The following CUL7 variants were observed in gnomAD, a reference collection of about 807,000 sequenced individuals.
CUL7 encodes cullin 7, also known as cullin-7.
A neutral mutation model predicts 177.7 loss-of-function variants in CUL7; 96 were observed. The observed-to-expected ratio is 0.54, with a 90% CI of 0.46 to 0.64. The LOEUF is 0.64. Ranked by LOEUF, CUL7 falls within the 30% of genes least tolerant of loss-of-function variation. The pLI is 0.00. For synonymous variants in CUL7, 824 were observed against 890.2 expected, an observed-to-expected ratio of 0.93 and a Z score of 1.32; for missense variants, 1,893 against 2,187.9, an observed-to-expected ratio of 0.87 and a Z score of 2.69.
At position 43,043,520 on chromosome 6, in the gene CUL7, G is replaced by A. The variant is rs150015706; in HGVS notation, c.3283C>T (p.Arg1095Cys). 6.2e-5 allele frequency: 100 copies of A among 1,613,966 alleles called. No individual in the cohort carries two copies. Among genetic ancestry groups the A allele is most frequent in the African/African-American group, 4.9e-4 (37 of 74,912 alleles). ...RGPAFFSRVRRLTHLLVHVEP... is the reference protein window; with the variant it reads ...RGPAFFSRVRCLTHLLVHVEP... ...ACATGCACCAGCAGGTGAGTGAGAC[G>A]GCGCACCCGCGAGAAGAAAGCTGGG... Residue 1095 changes from arginine (R) to cysteine (C), a missense_variant, in exon 17 of 26, where the codon CGT becomes TGT. Physicochemically the swap from Arg to Cys is radical, Grantham distance 180 (BLOSUM62 -3). Transcript: ENST00000265348. This position sits in a 1 kb window ranked among gnomAD's most constrained non-coding sequence, Gnocchi z 4.2.
chr6:43,038,018 T>C lies in CUL7; in HGVS notation c.4774-7A>G. 1 of 1,588,402 alleles carries C rather than the reference T, an allele frequency of 6.3e-7. No individual in the cohort carries two copies. Among genetic ancestry groups the C allele is most frequent in the Non-Finnish European group, 8.6e-7 (1 of 1,166,332 alleles). Reference sequence around the variant, plus strand: ...TCTGCCAAGCCTCCAGCACCTGGTGTGGGGGAGGAAGGGAGAAGCGGTAGT... The same window carrying C: ...TCTGCCAAGCCTCCAGCACCTGGTGCGGGGGAGGAAGGGAGAAGCGGTAGT... On this transcript the variant is annotated splice_polypyrimidine_tract_variant and splice_region_variant and intron_variant, in intron 25 of 25. Coordinates refer to ENST00000265348, the MANE Select transcript of CUL7 (RefSeq NM_014780.5).
At chr6:43,038,777 G>C (rs907104761) in intron 23 of CUL7, 65 bp downstream of exon 23, 27 of 1,613,378 alleles carry the variant, frequency 1.7e-5, no homozygotes, top group Non-Finnish European at 1.7e-6. Context: ...GGGAGTCAAG[G>C]TTTTGGGAAG....
rs1298323516 is a variant in CUL7 at position 43,050,772 on chromosome 6, T to G, written c.1233+196A>C. Among the ~76,000 whole-genome samples the G allele has an allele frequency of 1.3e-5, 2 of 152,102 alleles. No homozygotes were observed. The highest frequency in any genetic ancestry group is 2.9e-5 in the Non-Finnish European group (2 of 68,026). On this transcript the variant is annotated intron_variant, in intron 4 of 25. Coordinates refer to ENST00000265348, the MANE Select transcript of CUL7 (RefSeq NM_014780.5). This position sits in a 1 kb window ranked among gnomAD's most constrained non-coding sequence, Gnocchi z 4.1. ...CTTCCCAGGTGTGAGTCTTCTTGAC[T>G]TCACAGCCTCCTAAACCCAGATTTT...
chr6:43,053,181 CGTGA>C lies in CUL7; in HGVS notation c.-8-389_-8-386del, dbSNP rs1238510434. Among the ~76,000 whole-genome samples the C allele has an allele frequency of 2.0e-5, 3 of 151,936 alleles. No homozygotes were observed. Among genetic ancestry groups the C allele is most frequent in the African/African-American group, 7.3e-5 (3 of 41,340 alleles). On this transcript the variant is annotated intron_variant, in intron 1 of 25. Coordinates refer to ENST00000265348, the MANE Select transcript of CUL7 (RefSeq NM_014780.5). This position sits in a 1 kb window ranked among gnomAD's most constrained non-coding sequence, Gnocchi z 4.1. The stretch of plus-strand genomic sequence containing the variant: ...AGAGGGGTATGTTTGGGAGGGAGAT[CGTGA>C]GTGTGTGTGAAAAGGGGTGCTGTCT...
chr6:43,046,650 G>A lies in CUL7; in HGVS notation c.2398-49C>T, dbSNP rs200978147. On this transcript the variant is annotated intron_variant, in intron 10 of 25. Transcript: ENST00000265348. ...AGGGGCACAGGGGCAGAAGGAACAC[G>A]GAGACACACACGGAAACACGGATGA... The A allele has an allele frequency of 2.1e-4, 345 of 1,610,558 alleles. 2 individuals are homozygous for A. The East Asian group carries it at 6.3e-3, about 29-fold the overall frequency.
Position 43,043,320 on chromosome 6 carries a change from C to A in CUL7, c.3355+128G>T. On this transcript the variant is annotated intron_variant, in intron 17 of 25. Transcript: ENST00000265348. The surrounding 1 kb of genome is among the most constrained non-coding windows in gnomAD (Gnocchi z 4.2). Reference sequence around the variant, plus strand: ...GTTCATGGATGGAGGTGACACAAACCTGGAAGATGAACAGGCTGAGCCCAT... The same window carrying A: ...GTTCATGGATGGAGGTGACACAAACATGGAAGATGAACAGGCTGAGCCCAT... The A allele has an allele frequency of 1.6e-6, 2 of 1,219,648 alleles. No individual in the cohort carries two copies. Among genetic ancestry groups the A allele is most frequent in the Non-Finnish European group, 2.4e-6 (2 of 836,976 alleles). The allele number at this position is 1,219,648 out of a possible 1,614,324, so 75.6% of individuals were successfully genotyped here. A position where few individuals can be genotyped will look rare whatever the true frequency, so the allele number is the denominator to read the frequency against.
rs746502085 is a variant in CUL7, at chr6:43,045,643, C to T, written c.2806G>A (p.Glu936Lys). ...ATGGGCCAGAAGCGGGTCAGGTTCT[C>T]CAGGAGGATCACCCGGCTGGCAGAG... ...MPSASRVILL[E>K]NLTRFWPIIQ... The change falls in exon 14 of 26, where the codon GAG (glutamate) becomes AAG (lysine). Residue 936 changes from glutamate (E) to lysine (K), a missense_variant. By Grantham distance (56) the Glu-to-Lys change is moderately conservative. This residue lies in a region of CUL7 where 973 missense variants were observed against 1,140.9 expected (regional missense o/e 0.85). Coordinates refer to ENST00000265348, the MANE Select transcript of CUL7 (RefSeq NM_014780.5). This position sits in a 1 kb window ranked among gnomAD's most constrained non-coding sequence, Gnocchi z 4.8. The T allele has an allele frequency of 6.2e-7, 1 of 1,614,068 alleles. No individual in the cohort carries two copies. Among genetic ancestry groups the T allele is most frequent in the Non-Finnish European group, 8.5e-7 (1 of 1,180,040 alleles).
rs1372429858 is a variant in CUL7 at position 43,053,322 on chromosome 6, G to A, written c.-9+300C>T. On this transcript the variant is annotated intron_variant, in intron 1 of 25. Coordinates refer to ENST00000265348, the MANE Select transcript of CUL7 (RefSeq NM_014780.5). This position sits in a 1 kb window ranked among gnomAD's most constrained non-coding sequence, Gnocchi z 4.1. ...GGGAGGGCAAGGCGCGATGGACTAG[G>A]AGGAGGCACTGGTGGGTTGGAGGCG... 6.6e-6 allele frequency among the ~76,000 whole-genome samples: 1 copy of A among 152,116 alleles called. No homozygotes were observed. The highest frequency in any genetic ancestry group is 6.5e-5 in the Admixed American group (1 of 15,276).
chr6:43,038,568 C>T lies in CUL7; in HGVS notation c.4565G>A (p.Gly1522Glu), dbSNP rs1166169935. Reference protein sequence around the residue: ...LDLHEQKDIPGGVLKIRDGSK... With the variant: ...LDLHEQKDIPEGVLKIRDGSK... ...CCCCTCTGGCCCTAAGTGCATACCT[C>T]CTGGTATATCCTTTTGCTCGTGAAG... Residue 1522 changes from glycine to glutamate, a missense_variant and splice_region_variant, in exon 24 of 26, where the codon GGA becomes GAA. By Grantham distance (98) the Gly-to-Glu change is moderately conservative. Transcript: ENST00000265348. 1 of 1,614,118 alleles carries T rather than the reference C, an allele frequency of 6.2e-7. No homozygotes were observed. The highest frequency in any genetic ancestry group is 2.2e-5 in the East Asian group (1 of 44,882).
rs372902511 is a variant in CUL7 at position 43,049,644 on chromosome 6, G to A, written c.1588C>T (p.Leu530=). 7 of 1,614,016 alleles carry A rather than the reference G, an allele frequency of 4.3e-6. No homozygotes were observed. Among genetic ancestry groups the A allele is most frequent in the Non-Finnish European group, 5.9e-6 (7 of 1,179,994 alleles). ...TCTATGGGCACGGCCAGTTCAGCTA[G>A]GATCTCATCATCCAGAATCTGCCAT... ...LDGEILDDEI[L]AELAVPIELA... is the part of the protein sequence containing the mutation. Residue 530 remains leucine, a synonymous_variant, in exon 7 of 26, where the codon CTA becomes TTA. Coordinates refer to ENST00000265348, the MANE Select transcript of CUL7 (RefSeq NM_014780.5).
At chr6:43,044,953 T>G in intron 15 of CUL7, 68 bp from the exon 16 acceptor site, 1 of 1,588,542 alleles carries the variant, frequency 6.3e-7, no homozygotes, top group Non-Finnish European at 8.6e-7. Context: ...TGTCCACCCT[T>G]CCTAAGACTG....
chr6:43,046,640 G>C (rs1172938092), intron 10 of CUL7, 39 bp from the exon 11 acceptor site: 1 of 1,612,858 alleles, frequency 6.2e-7, no homozygotes, highest in East Asian at 2.2e-5. Context: ...CACAGGGGCA[G>C]AAGGAACACG....
chr6:43,037,790 T>C lies in CUL7; in HGVS notation c.4995A>G (p.Ser1665=), dbSNP rs759689995. 3.1e-6 allele frequency: 5 copies of C among 1,601,432 alleles called. No individual in the cohort carries two copies. The African/African-American group carries it at 6.7e-5, about 21-fold the overall frequency. ...PHTESLNPGS[S]GPNPPLTFHT... ...GGAAGGTGAGGGGTGGGTTGGGGCC[T>C]GAGGAGCCTGGGTTCAGGGACTCAG... The change falls in exon 26 of 26, where the codon TCA becomes TCG. Residue 1665 remains serine (S), a synonymous_variant. Coordinates refer to ENST00000265348, the MANE Select transcript of CUL7 (RefSeq NM_014780.5).
Position 43,041,057 on chromosome 6 carries a change from G to A in CUL7, c.3664C>T (p.Arg1222Trp), listed in dbSNP as rs147986833. The change falls in exon 20 of 26, where the codon CGG becomes TGG. Residue 1222 changes from arginine (R) to tryptophan (W), a missense_variant. By Grantham distance (101) the Arg-to-Trp change is moderately radical (BLOSUM62 -3). Coordinates refer to ENST00000265348, the MANE Select transcript of CUL7 (RefSeq NM_014780.5). ...CCCTGGATCTGCTGGTCAATGTGCC[G>A]GGCGAACTGCTCACTCACCTGAGCA... The part of the protein sequence containing the change: ...KAAHVSEQFA[R>W]HIDQQIQGSR... The A allele has an allele frequency of 8.1e-6, 13 of 1,613,878 alleles. No homozygotes were observed. Among genetic ancestry groups the A allele is most frequent in the South Asian group, 3.3e-5 (3 of 91,004 alleles).
Position 43,051,808 on chromosome 6 carries a change from T to C in CUL7, c.581-45A>G. 6.2e-7 allele frequency: 1 copy of C among 1,607,178 alleles called. No homozygotes were observed. The highest frequency in any genetic ancestry group is 8.5e-7 in the Non-Finnish European group (1 of 1,174,036). On this transcript the variant is annotated intron_variant, in intron 2 of 25. Transcript: ENST00000265348. This position sits in a 1 kb window ranked among gnomAD's most constrained non-coding sequence, Gnocchi z 5.0. ...TGGTAACTTCTCCCTAATCTCACCC[T>C]TCCTAGAAATCTTAGACCCTCTACT... is the stretch of plus-strand genomic sequence containing the variant.
Position 43,050,053 on chromosome 6 carries a change from C to G in CUL7, c.1479G>C (p.Glu493Asp). ...TGATGAAGAAGAGGAGTTCCCACCACTCAGCCAGGGTCAGGTGTTCACACT... is the reference window on the plus strand; with the variant it reads ...TGATGAAGAAGAGGAGTTCCCACCAGTCAGCCAGGGTCAGGTGTTCACACT... ...TEECEHLTLA[E>D]WWELLFFIKK... The change falls in exon 6 of 26, where the codon GAG becomes GAC. Residue 493 changes from glutamate (E) to aspartate (D), a missense_variant. Glu to Asp is a conservative substitution (Grantham distance 45). Transcript: ENST00000265348. The surrounding 1 kb of genome is among the most constrained non-coding windows in gnomAD (Gnocchi z 4.1). 2 of 1,614,212 alleles carry G rather than the reference C, an allele frequency of 1.2e-6. No homozygotes were observed. The highest frequency in any genetic ancestry group is 1.1e-5 in the South Asian group (1 of 91,090).
In CUL7 at chr6:43,052,076, C is replaced by T. The variant is rs1230491574; in HGVS notation, c.580+133G>A. On this transcript the variant is annotated intron_variant, in intron 2 of 25. Transcript: ENST00000265348. The surrounding 1 kb of genome is among the most constrained non-coding windows in gnomAD (Gnocchi z 4.5). ...CTCCCATGCCCACCTCCTTTTCTTC[C>T]AACTCTAAGAGAAGGGCAACAGAAT... The T allele has an allele frequency of 6.7e-7, 1 of 1,501,710 alleles. No individual in the cohort carries two copies. Among genetic ancestry groups the T allele is most frequent in the Admixed American group, 2.0e-5 (1 of 48,896 alleles). The allele number at this position is 1,501,710 out of a possible 1,614,324, so 93.0% of individuals were successfully genotyped here.
Position 43,051,319 on chromosome 6 carries a change from C to T in CUL7, c.882G>A (p.Leu294=). 6.2e-7 allele frequency: 1 copy of T among 1,610,304 alleles called. No homozygotes were observed. The highest frequency in any genetic ancestry group is 8.5e-7 in the Non-Finnish European group (1 of 1,177,378). ...GGGTGCCCATGGCCATACTGAACTC[C>T]AGCTCCAGTTGACCCCTCTCCCCAC... ...ELSGERGQLE[L]EFSMAMGTLI... The change falls in exon 4 of 26, where the codon CTG becomes CTA. Residue 294 remains leucine, a synonymous_variant. Coordinates refer to ENST00000265348, the MANE Select transcript of CUL7 (RefSeq NM_014780.5). The surrounding 1 kb of genome is among the most constrained non-coding windows in gnomAD (Gnocchi z 5.0).
chr6:43,045,389 G>T lies in CUL7; in HGVS notation c.2876C>A (p.Thr959Lys), dbSNP rs1191891766. 6.2e-7 allele frequency: 1 copy of T among 1,614,156 alleles called. No homozygotes were observed. The highest frequency in any genetic ancestry group is 8.5e-7 in the Non-Finnish European group (1 of 1,179,994). The stretch of plus-strand genomic sequence containing the variant: ...TAGGATCTCTAACCCCCGAATGCGC[G>T]TATCAATGCCACCCTGAAACACACA... ...IKRCQQGGIDTRIRGLEILGP... is the reference protein window; with the variant it reads ...IKRCQQGGIDKRIRGLEILGP... Residue 959 changes from threonine (T) to lysine (K), a missense_variant, in exon 15 of 26, where the codon ACG (threonine) becomes AAG (lysine). By Grantham distance (78) the Thr-to-Lys change is moderately conservative (BLOSUM62 -1). Coordinates refer to ENST00000265348, the MANE Select transcript of CUL7 (RefSeq NM_014780.5). This position sits in a 1 kb window ranked among gnomAD's most constrained non-coding sequence, Gnocchi z 4.8.
Sources: allele counts gnomAD v4.1 joint callset (sites outside exome capture counted in the v4.1 genomes callset), GRCh38; gene constraint gnomAD v4.1.1; regional missense constraint gnomAD v4.1.1; non-coding constraint Gnocchi (gnomAD v3.1); transcripts MANE v1.5; gene names NCBI Gene and HGNC (gene_info 2026-07-23, HGNC 2026-07-21).